The following EIF2S1 variants were observed in gnomAD, a reference collection of about 807,000 sequenced individuals.
The protein encoded by EIF2S1 is eukaryotic translation initiation factor 2 subunit 1.
A neutral mutation model predicts 33.5 loss-of-function variants in EIF2S1; 5 were observed. That is an observed-to-expected ratio of 0.15 (90% CI 0.08 to 0.31). EIF2S1 has a LOEUF of 0.31. Among genes scored for constraint, EIF2S1 ranks in the 10% least tolerant of loss-of-function variants. The probability of loss-of-function intolerance (pLI) is 1.00; values close to 1 mark genes in which losing one functional copy is unlikely to be tolerated. For synonymous variants in EIF2S1, 99 were observed against 127.5 expected, an observed-to-expected ratio of 0.78 and a Z score of 1.51; for missense variants, 191 against 384.6, an observed-to-expected ratio of 0.50 and a Z score of 4.21.
At chr14:67,374,609 C>T in intron 3 of EIF2S1, 62 bp downstream of exon 3, 2 of 1,129,550 alleles carry the variant, frequency 1.8e-6, no homozygotes, top group Non-Finnish European at 2.6e-6. Flanking sequence ...AATTTGAAAT[C>T]TTAATTTCAT....
rs1406656947 is a variant in EIF2S1, at chr14:67,360,578, T to G, written c.-2+122T>G. On this transcript the variant is annotated intron_variant, in intron 1 of 7. Coordinates refer to ENST00000256383, the MANE Select transcript of EIF2S1 (RefSeq NM_004094.5). ...CCCTTTCCCGTCCCTGCGCGGGAAG[T>G]GGCTGGACAGCACCGCCACCACCCG... 4 of 189,942 alleles carry G rather than the reference T, an allele frequency of 2.1e-5. No homozygotes were observed. In the East Asian group the frequency reaches 4.9e-4, roughly 23 times the overall value. 11.8% of individuals were successfully genotyped at this position (189,942 alleles called of 1,614,324 possible).
In EIF2S1 at chr14:67,364,852, G is replaced by C; in HGVS notation, c.85G>C (p.Glu29Gln). The part of the protein sequence containing the change: ...VVMVNVRSIA[E>Q]MGAYVSLLEY... ...GATGGTGAATGTCAGATCCATTGCT[G>C]AAATGGGGGCTTATGTCAGCTTGCT... The change falls in exon 2 of 8, where the codon GAA becomes CAA. Residue 29 changes from glutamate (E) to glutamine (Q), a missense_variant. Transcript: ENST00000256383. 6.2e-7 allele frequency: 1 copy of C among 1,614,012 alleles called. No homozygotes were observed. Among genetic ancestry groups the C allele is most frequent in the Non-Finnish European group, 8.5e-7 (1 of 1,179,956 alleles).
At chr14:67,362,881 C>T (rs1402404386) in intron 1 of EIF2S1, among the ~76,000 whole-genome samples, 1 of 151,944 alleles carries the variant, frequency 6.6e-6, no homozygotes, top group Non-Finnish European at 1.5e-5. Flanking sequence ...AATAACATAC[C>T]ATCAACAGTA....
Position 67,381,672 on chromosome 14 carries a change from A to G in EIF2S1, c.660A>G (p.Thr220=). 1 of 1,613,234 alleles carries G rather than the reference A, an allele frequency of 6.2e-7. No homozygotes were observed. Among genetic ancestry groups the G allele is most frequent in the Middle Eastern group, 1.7e-4 (1 of 6,060 alleles). Residue 220 remains threonine, a synonymous_variant, in exon 6 of 8, where the codon ACA becomes ACG. Transcript: ENST00000256383. ...EALRAGLNCS[T]ENMPIKINLI... is the part of the protein sequence containing the mutation. ...TAAGAGCAGGTTTGAATTGTTCTACAGAAAACATGCCCATTAAGGTGAGTC... is the reference window on the plus strand; with the variant it reads ...TAAGAGCAGGTTTGAATTGTTCTACGGAAAACATGCCCATTAAGGTGAGTC...
chr14:67,381,526 TG>T (rs2085887751), intron 5 of EIF2S1, 66 bp from the exon 6 acceptor site: 1 of 1,280,850 alleles, frequency 7.8e-7, no homozygotes, highest in African/African-American at 1.5e-5. Flanking sequence ...GCCACGTGTT[TG>T]ATTTCCTTTA....
At chr14:67,364,377 G>A (rs578005511) in intron 1 of EIF2S1, 1 of 162,154 alleles carries the variant, frequency 6.2e-6, no homozygotes, top group East Asian at 1.8e-4. Flanking sequence ...TCGGCAAAGA[G>A]TAGCTTTAGT....
intron 6 of EIF2S1, 72 bp downstream of exon 6, chr14:67,381,762 CTT>C (rs34614329): frequency 4.0e-3 from 3,261 of 813,250 alleles, no homozygotes; most frequent in South Asian, 6.3e-3. Context: ...ATCTTTGTTT[CTT>C]TTTTTTTTTT....
Position 67,371,579 on chromosome 14 carries a change from G to T in EIF2S1, c.242-2889G>T, listed in dbSNP as rs141739662. On this transcript the variant is annotated intron_variant, in intron 2 of 7. Transcript: ENST00000256383. ...AGCCTATACACACATAGGTTGTTTA[G>T]TATACTCTATTATTCCTAGGCTACA... Among the ~76,000 whole-genome samples the T allele has an allele frequency of 8.3e-4, 126 of 152,256 alleles. No individual in the cohort carries two copies. The East Asian group carries it at 0.021, about 25-fold the overall frequency.
intron 3 of EIF2S1, among the ~76,000 whole-genome samples, chr14:67,375,232 CTGTGTGTGTGTG>C (rs3067321): frequency 0.011 from 1,496 of 137,658 alleles, 4 homozygotes; most frequent in Middle Eastern, 0.025. Context: ...ATCCTCAGTT[CTGTGTGTGTGTG>C]TGTGTGTGTG....
chr14:67,382,491 C>G lies in EIF2S1; in HGVS notation c.723C>G (p.Thr241=). The part of the protein sequence containing the change: ...APPRYVMTTT[T]LERTEGLSVL... ...CTCGGTATGTAATGACTACGACAAC[C>G]CTGGAGAGAACAGAAGGCCTTTCTG... The change falls in exon 7 of 8, where the codon ACC becomes ACG. Residue 241 remains threonine (T), a synonymous_variant. Coordinates refer to ENST00000256383, the MANE Select transcript of EIF2S1 (RefSeq NM_004094.5). The G allele has an allele frequency of 6.2e-7, 1 of 1,613,518 alleles. No homozygotes were observed. The highest frequency in any genetic ancestry group is 8.5e-7 in the Non-Finnish European group (1 of 1,179,698).
rs1365560077 is a variant in EIF2S1, at chr14:67,383,978, C to G, written c.*538C>G. On this transcript the variant is annotated 3_prime_UTR_variant, in exon 8 of 8. Transcript: ENST00000256383. ...GTAGGAGCAGGTGAATAAAGGATCT[C>G]TATAACAGATCCTTTCAAAAGAAGA... 6.2e-6 allele frequency: 1 copy of G among 162,484 alleles called. No homozygotes were observed. The highest frequency in any genetic ancestry group is 2.4e-5 in the African/African-American group (1 of 41,426). The allele number at this position is 162,484 out of a possible 1,614,324, so 10.1% of individuals were successfully genotyped here.
intron 2 of EIF2S1, among the ~76,000 whole-genome samples, chr14:67,368,532 A>C (rs1031245155): frequency 6.6e-6 from 1 of 152,198 alleles, no homozygotes; most frequent in Non-Finnish European, 1.5e-5. Context: ...CTCTGTGATT[A>C]ATGGATGCCA....
In EIF2S1 at chr14:67,364,914, T is replaced by C. The variant is rs1342004545; in HGVS notation, c.147T>C (p.Ser49=). ...ACATTGAAGGCATGATTCTTCTTAG[T>C]GAATTATCCAGAAGGCGTATCCGTT... ...YNNIEGMILL[S]ELSRRRIRSI... is the part of the protein sequence containing the mutation. The change falls in exon 2 of 8, where the codon AGT becomes AGC. Residue 49 remains serine (S), a synonymous_variant. Coordinates refer to ENST00000256383, the MANE Select transcript of EIF2S1 (RefSeq NM_004094.5). 1 of 1,613,968 alleles carries C rather than the reference T, an allele frequency of 6.2e-7. No homozygotes were observed. Among genetic ancestry groups the C allele is most frequent in the African/African-American group, 1.3e-5 (1 of 74,926 alleles).
chr14:67,377,257 C>T (rs1566615592), intron 4 of EIF2S1, among the ~76,000 whole-genome samples: 1 of 152,138 alleles, frequency 6.6e-6, no homozygotes, highest in African/African-American at 2.4e-5. Flanking sequence ...ATCAATGTTC[C>T]TGCCTTCTCT....
chr14:67,375,875 G>A (rs764384023), intron 3 of EIF2S1, among the ~76,000 whole-genome samples: 4 of 152,136 alleles, frequency 2.6e-5, no homozygotes, highest in African/African-American at 4.8e-5. Flanking sequence ...TTGTTAAAAT[G>A]AGTGTGTTAA....
At chr14:67,367,405 A>G (rs181350489) in intron 2 of EIF2S1, among the ~76,000 whole-genome samples, 34 of 152,056 alleles carry the variant, frequency 2.2e-4, no homozygotes, top group African/African-American at 8.2e-4. Flanking sequence ...TAATTTTTGT[A>G]TTTTTGGTAG....
At chr14:67,383,098 T>A (rs2085898499) in intron 7 of EIF2S1, among the ~76,000 whole-genome samples, 1 of 152,198 alleles carries the variant, frequency 6.6e-6, no homozygotes. Flanking sequence ...AATTTTCCAT[T>A]TTAATACATA....
chr14:67,367,793 A>G (rs527759147), intron 2 of EIF2S1, among the ~76,000 whole-genome samples: 1 of 151,868 alleles, frequency 6.6e-6, no homozygotes, highest in East Asian at 2.0e-4. Flanking sequence ...CCAAGATTGC[A>G]CCGCTGCACT....
intron 2 of EIF2S1, among the ~76,000 whole-genome samples, chr14:67,371,512 T>C (rs1009482477): frequency 6.6e-6 from 1 of 152,166 alleles, no homozygotes; most frequent in Admixed American, 6.5e-5. Context: ...AAATGTCTTA[T>C]CATGCAAATT....
Sources: allele counts gnomAD v4.1 joint callset (sites outside exome capture counted in the v4.1 genomes callset), GRCh38; gene constraint gnomAD v4.1.1; transcripts MANE v1.5; gene names NCBI Gene and HGNC (gene_info 2026-07-23, HGNC 2026-07-21).